Variants in SETD2 observed in about 807,000 individuals in gnomAD.
SETD2 encodes the protein histone-lysine N-methyltransferase SETD2.
In SETD2, 31 loss-of-function variants were observed where a neutral mutation model predicts 242.1. The observed-to-expected ratio is 0.13, with a 90% CI of 0.10 to 0.17. The LOEUF is 0.17. Among genes scored for constraint, SETD2 ranks in the 10% least tolerant of loss-of-function variants. The pLI is 1.00. For synonymous variants in SETD2, 1,006 were observed against 1,066.5 expected (o/e 0.94, Z 1.11); for missense variants, 2,481 against 3,046.3 (o/e 0.81, Z 4.37).
rs2043191451 is a variant in SETD2 at position 47,123,460 on chromosome 3, G to A, written c.1176C>T (p.Ser392=). 2 of 1,551,226 alleles carry A rather than the reference G, an allele frequency of 1.3e-6. No homozygotes were observed. The highest frequency in any genetic ancestry group is 2.7e-5 in the African/African-American group (2 of 72,966). ...KLERDTRYVS[S]RCRSERERRR... is the part of the protein sequence containing the mutation. ...GTCGCTCTCTTTCTGATCTACATCG[G>A]GAAGATACATACCGAGTATCTCTTT... Residue 392 remains serine (S), a synonymous_variant, in exon 3 of 21, where the codon TCC becomes TCT. Coordinates refer to ENST00000409792, the MANE Select transcript of SETD2 (RefSeq NM_014159.7).
intron 14 of SETD2, among the ~76,000 whole-genome samples, chr3:47,058,235 G>C (rs1189006885): frequency 1.3e-5 from 2 of 151,978 alleles, no homozygotes; most frequent in Non-Finnish European, 2.9e-5. Flanking sequence ...CTGAGGTCAG[G>C]AGTTCAAGAC....
chr3:47,129,604 G>A (rs2043429938), intron 1 of SETD2, among the ~76,000 whole-genome samples: 1 of 152,246 alleles, frequency 6.6e-6, no homozygotes, highest in African/African-American at 2.4e-5. Context: ...AGGAGATACA[G>A]GCTGGGCGCA....
chr3:47,086,440 A>C (rs532337804), intron 10 of SETD2, 126 bp from the exon 11 acceptor site: 2 of 838,446 alleles, frequency 2.4e-6, no homozygotes, highest in South Asian at 1.9e-5. Flanking sequence ...CACAAAAAAA[A>C]CCTAGAAACT....
chr3:47,049,304 AATATAT>A (rs55952850), intron 15 of SETD2, among the ~76,000 whole-genome samples: 3,358 of 107,074 alleles, frequency 0.031, 52 homozygotes, highest in Non-Finnish European at 0.049. Context: ...AAGTTTTCTA[AATATAT>A]ATATATATAT....
chr3:47,073,966 A>G (rs530690152), intron 12 of SETD2, among the ~76,000 whole-genome samples: 1 of 152,352 alleles, frequency 6.6e-6, no homozygotes, highest in Middle Eastern at 3.4e-3. Context: ...CTGTAGCTCA[A>G]CAACACTAAT....
intron 9 of SETD2, 30 bp downstream of exon 9, chr3:47,097,925 G>A (rs746890697): frequency 6.2e-7 from 1 of 1,606,708 alleles, no homozygotes. Context: ...ATTTTTTATT[G>A]TGAAAGTTGA....
chr3:47,164,470 G>C (rs1416445034), upstream of SETD2: 1 of 152,100 alleles, frequency 6.6e-6, no homozygotes, highest in Non-Finnish European at 1.5e-5. This position sits in a 1 kb window ranked among gnomAD's most constrained non-coding sequence, Gnocchi z 5.4. Context: ...AGGCGACGTC[G>C]GGAGAACTCC....
chr3:47,039,364 G>A (rs2039169611), intron 17 of SETD2, among the ~76,000 whole-genome samples: 1 of 151,992 alleles, frequency 6.6e-6, no homozygotes, highest in Admixed American at 6.5e-5. Flanking sequence ...ACAGGTGCGT[G>A]TCACCACGCC....
chr3:47,156,572 A>C (rs1374693018), intron 1 of SETD2, among the ~76,000 whole-genome samples: 3 of 152,168 alleles, frequency 2.0e-5, no homozygotes, highest in Non-Finnish European at 4.4e-5. Flanking sequence ...ACCCTAGCCT[A>C]AGCACTAGGA....
At chr3:47,059,395 C>T (rs1312209564) in intron 14 of SETD2, among the ~76,000 whole-genome samples, 1 of 151,280 alleles carries the variant, frequency 6.6e-6, no homozygotes, top group African/African-American at 2.4e-5. Flanking sequence ...GGATTATAGG[C>T]GTGAGCCACT....
chr3:47,084,157 T>G lies in SETD2; in HGVS notation c.5623A>C (p.Lys1875Gln). The G allele has an allele frequency of 6.2e-7, 1 of 1,614,170 alleles. No homozygotes were observed. The highest frequency in any genetic ancestry group is 8.5e-7 in the Non-Finnish European group (1 of 1,180,032). The part of the protein sequence containing the change: ...STEADTDTPK[K>Q]LMFRRLKIIS... ...ATTTTCAGTCTGCGAAACATTAGTT[T>G]CTTGGGAGTGTCTGTGTCAGCTTCT... Residue 1875 changes from lysine to glutamine, a missense_variant, in exon 12 of 21, where the codon AAA (lysine) becomes CAA (glutamine). Around this residue, in one of 17 missense-constraint regions of SETD2, gnomAD observed 203 missense variants for 222.4 expected, o/e 0.91. Transcript: ENST00000409792.
chr3:47,064,514 T>C (rs2040476789), intron 13 of SETD2: 1 of 221,698 alleles, frequency 4.5e-6, no homozygotes, highest in Non-Finnish European at 1.0e-5. Flanking sequence ...AATGTGACTA[T>C]TTCTTCACTA....
At chr3:47,137,512 A>C (rs2106780347) in intron 1 of SETD2, among the ~76,000 whole-genome samples, 1 of 152,058 alleles carries the variant, frequency 6.6e-6, no homozygotes, top group African/African-American at 2.4e-5. Flanking sequence ...TATTACTATA[A>C]GAGTTGGTTG....
At chr3:47,032,182 C>G (rs2107519086) in intron 18 of SETD2, among the ~76,000 whole-genome samples, 1 of 152,180 alleles carries the variant, frequency 6.6e-6, no homozygotes, top group South Asian at 2.1e-4. Flanking sequence ...GTCCCCACAC[C>G]AAACTTTGAG....
intron 7 of SETD2, 42 bp from the exon 8 acceptor site, chr3:47,101,597 A>AGTGTGTGTGTGTGTGTGTGTGTGT (rs61571386): frequency 1.4e-6 from 1 of 706,630 alleles, no homozygotes; most frequent in African/African-American, 1.9e-5. Flanking sequence ...GTAACTTATT[A>AGTGTGTGTGTGTGTGTGTGTGTGT]GTGTGTGTGT....
At chr3:47,078,971 CT>C (rs2041216201) in intron 12 of SETD2, among the ~76,000 whole-genome samples, 1 of 152,094 alleles carries the variant, frequency 6.6e-6, no homozygotes, top group Non-Finnish European at 1.5e-5. Context: ...CTCAAATGAT[CT>C]GCCCACCTCT....
chr3:47,100,261 C>T (rs1013421437), intron 8 of SETD2, among the ~76,000 whole-genome samples: 3 of 148,826 alleles, frequency 2.0e-5, no homozygotes, highest in African/African-American at 7.4e-5. Context: ...GTTTTTTGTT[C>T]GTTTGCTTTT....
rs1160182106 is a variant in SETD2, at chr3:47,098,006, G to A, written c.5091C>T (p.Ile1697=). Residue 1697 remains isoleucine, a synonymous_variant, in exon 9 of 21, where the codon ATC becomes ATT. Transcript: ENST00000409792. ...TCTTCATTTTCCCTCCTGCTGCTCTGATGCTGACTCTGTTTTCTCCTCCCA... is the reference window on the plus strand; with the variant it reads ...TCTTCATTTTCCCTCCTGCTGCTCTAATGCTGACTCTGTTTTCTCCTCCCA... The part of the protein sequence containing the change: ...GYLGGENRVS[I]RAAGGKMKKE... 1.2e-6 allele frequency: 2 copies of A among 1,613,922 alleles called. No homozygotes were observed. The highest frequency in any genetic ancestry group is 2.2e-5 in the East Asian group (1 of 44,868).
intron 1 of SETD2, among the ~76,000 whole-genome samples, chr3:47,135,567 C>T (rs1339833796): frequency 6.6e-6 from 1 of 152,234 alleles, no homozygotes; most frequent in Non-Finnish European, 1.5e-5. Flanking sequence ...TGAGCCAGTA[C>T]AGGCACGCCT....
Sources: allele counts gnomAD v4.1 joint callset (sites outside exome capture counted in the v4.1 genomes callset), GRCh38; gene constraint gnomAD v4.1.1; regional missense constraint gnomAD v4.1.1; non-coding constraint Gnocchi (gnomAD v3.1); transcripts MANE v1.5; gene names NCBI Gene and HGNC (gene_info 2026-07-23, HGNC 2026-07-21).